Variants in CNTN3 observed in about 807,000 individuals in gnomAD.
CNTN3 encodes the protein contactin 3.
CNTN3 carries 60 observed loss-of-function variants against 119.1 expected under a neutral mutation model. That is an observed-to-expected ratio of 0.50 (90% CI 0.41 to 0.62). CNTN3 has a LOEUF of 0.62. CNTN3 is among the 20% of genes least tolerant of loss of function. The pLI is 0.00. For synonymous variants in CNTN3, 450 were observed against 438.7 expected (o/e 1.03, Z -0.32); for missense variants, 1,101 against 1,242.4 (o/e 0.89, Z 1.71).
At chr3:74,292,193 C>T (rs758550346) in intron 19 of CNTN3, among the ~76,000 whole-genome samples, 1 of 152,156 alleles carries the variant, frequency 6.6e-6, no homozygotes. Context: ...AGAATATTTA[C>T]TGGAGAGAAA....
rs557983933 is a variant in CNTN3 at position 74,559,673 on chromosome 3, G to C, written c.-80-38481C>G. Among the ~76,000 whole-genome samples the C allele has an allele frequency of 1.5e-3, 233 of 151,926 alleles. 1 individual carries two copies. Among genetic ancestry groups the C allele is most frequent in the Non-Finnish European group, 2.5e-3 (171 of 67,972 alleles). On this transcript the variant is annotated intron_variant, in intron 1 of 22. Coordinates refer to ENST00000263665, the MANE Select transcript of CNTN3 (RefSeq NM_020872.3). ...TAGTACTTCTGCATTGCTCAAAGGG[G>C]GAAAAAGGAAAAGATAGAAATTCTG...
intron 1 of CNTN3, among the ~76,000 whole-genome samples, chr3:74,580,745 A>G (rs143754107): frequency 4.5e-4 from 68 of 152,300 alleles, no homozygotes; most frequent in Non-Finnish European, 7.6e-4. Context: ...TATTAACAAA[A>G]AACCTACAAC....
In CNTN3 at chr3:74,590,813, A is replaced by G. The variant is rs183818289; in HGVS notation, c.-81+23578T>C. The stretch of plus-strand genomic sequence containing the variant: ...CAGATGTCACTAAGAGTTGTGCAAC[A>G]TATCAGAAAACACATCAACAGTTGC... On this transcript the variant is annotated intron_variant, in intron 1 of 22. Transcript: ENST00000263665. Among the ~76,000 whole-genome samples, 13 of 152,194 alleles carry G rather than the reference A, an allele frequency of 8.5e-5. No homozygotes were observed. In the East Asian group the frequency reaches 1.9e-3, roughly 23 times the overall value.
At chr3:74,275,687 G>A (rs1452142970) in intron 20 of CNTN3, among the ~76,000 whole-genome samples, 1 of 151,404 alleles carries the variant, frequency 6.6e-6, no homozygotes, top group Non-Finnish European at 1.5e-5. Context: ...AATCTCAAAG[G>A]ACCTATAAAA....
chr3:74,358,824 T>C (rs1001536231), intron 11 of CNTN3, among the ~76,000 whole-genome samples: 11 of 137,042 alleles, frequency 8.0e-5, no homozygotes, highest in East Asian at 2.2e-4. Context: ...TGTGATCTCA[T>C]TGTTCAATTC....
intron 1 of CNTN3, among the ~76,000 whole-genome samples, chr3:74,544,221 T>C (rs1480874999): frequency 6.6e-6 from 1 of 152,198 alleles, no homozygotes; most frequent in Non-Finnish European, 1.5e-5. Context: ...CTTCTCAATA[T>C]ATTATGCTAT....
chr3:74,264,409 G>A lies in CNTN3; in HGVS notation c.3079C>T (p.Leu1027=). Residue 1027 remains leucine, a synonymous_variant, in exon 23 of 23, where the codon CTG becomes TTG. Transcript: ENST00000263665. ...ATAAAAAGGAGTTAATATCACCACA[G>A]GACATATACAATTAAGAACAGTACT... ...PIVLFLIVYV[L]W 5.1e-6 allele frequency: 8 copies of A among 1,573,344 alleles called. No homozygotes were observed. Among genetic ancestry groups the A allele is most frequent in the South Asian group, 1.2e-5 (1 of 85,846 alleles).
rs941001826 is a variant in CNTN3, at chr3:74,579,996, T to C, written c.-81+34395A>G. Among the ~76,000 whole-genome samples the C allele has an allele frequency of 1.4e-4, 22 of 152,048 alleles. 1 individual carries two copies. Among genetic ancestry groups the C allele is most frequent in the African/African-American group, 5.1e-4 (21 of 41,398 alleles). ...ATTGATAAGTCATTACCAATACTGC[T>C]GAAAGGGAAAGGAACAGAGAGGGAG... is the stretch of plus-strand genomic sequence containing the variant. On this transcript the variant is annotated intron_variant, in intron 1 of 22. Coordinates refer to ENST00000263665, the MANE Select transcript of CNTN3 (RefSeq NM_020872.3).
Position 74,371,366 on chromosome 3 carries a change from G to A in CNTN3, c.488C>T (p.Pro163Leu). 6.2e-7 allele frequency: 1 copy of A among 1,613,130 alleles called. No homozygotes were observed. The change falls in exon 6 of 23, where the codon CCA becomes CTA. Residue 163 changes from proline to leucine, a missense_variant. Pro to Leu is a moderately conservative substitution (Grantham distance 98). Coordinates refer to ENST00000263665, the MANE Select transcript of CNTN3 (RefSeq NM_020872.3). The stretch of plus-strand genomic sequence containing the variant: ...CCGACTATCTTCTTCAACAAACGAT[G>A]GGTATTCATTGAAGATCCAAGCATA... ...LSYAWIFNEY[P>L]SFVEEDSRRF...
At chr3:74,304,821 T>C (rs594166) in intron 13 of CNTN3, among the ~76,000 whole-genome samples, 2 of 151,946 alleles carry the variant, frequency 1.3e-5, no homozygotes, top group Non-Finnish European at 2.9e-5. Context: ...ACAAGTAGAA[T>C]TGGAAATGAT....
At chr3:74,308,253 C>T (rs1702603994) in intron 13 of CNTN3, among the ~76,000 whole-genome samples, 1 of 152,188 alleles carries the variant, frequency 6.6e-6, no homozygotes, top group South Asian at 2.1e-4. Flanking sequence ...AATTGGCAGT[C>T]ACTGAAACAT....
At chr3:74,408,878 G>A (rs1202206955) in intron 5 of CNTN3, among the ~76,000 whole-genome samples, 1 of 152,196 alleles carries the variant, frequency 6.6e-6, no homozygotes, top group Non-Finnish European at 1.5e-5. Flanking sequence ...TTTCCCCAAA[G>A]TCTTAACTAG....
intron 13 of CNTN3, among the ~76,000 whole-genome samples, chr3:74,322,775 C>T (rs936721133): frequency 2.6e-5 from 4 of 152,016 alleles, no homozygotes; most frequent in Admixed American, 1.3e-4. Flanking sequence ...GATAAATAAA[C>T]GGTGATACAT....
At chr3:74,487,393 C>T (rs1483481283) in intron 3 of CNTN3, among the ~76,000 whole-genome samples, 1 of 151,910 alleles carries the variant, frequency 6.6e-6, no homozygotes, top group Non-Finnish European at 1.5e-5. Flanking sequence ...AACACATTAC[C>T]GTAAAAAACA....
chr3:74,521,683 G>T (rs548584866), intron 1 of CNTN3, among the ~76,000 whole-genome samples: 12 of 151,872 alleles, frequency 7.9e-5, no homozygotes, highest in Non-Finnish European at 1.5e-4. Flanking sequence ...ACTGCAGAAA[G>T]CTCCCAATTA....
intron 1 of CNTN3, among the ~76,000 whole-genome samples, chr3:74,538,038 G>C (rs1703790255): frequency 6.6e-6 from 1 of 152,044 alleles, no homozygotes; most frequent in Non-Finnish European, 1.5e-5. Flanking sequence ...TAATTCATAA[G>C]CTCTGCAATG....
chr3:74,499,060 AT>A (rs961269497), intron 3 of CNTN3, among the ~76,000 whole-genome samples: 11 of 82,456 alleles, frequency 1.3e-4, no homozygotes, highest in African/African-American at 3.8e-4. Flanking sequence ...GGGAGTATGG[AT>A]TTTTTTTTCT....
chr3:74,592,987 A>T (rs1019860152), intron 1 of CNTN3, among the ~76,000 whole-genome samples: 2 of 151,940 alleles, frequency 1.3e-5, no homozygotes, highest in African/African-American at 4.8e-5. Flanking sequence ...TTTAAAATAA[A>T]CTTAGCTTTG....
chr3:74,378,313 G>C (rs539813529), intron 5 of CNTN3, among the ~76,000 whole-genome samples: 3 of 152,292 alleles, frequency 2.0e-5, no homozygotes, highest in African/African-American at 7.2e-5. Context: ...ACTGTAAACC[G>C]AAAGACATCT....
Sources: gnomAD v4.1 joint callset for allele counts (sites outside exome capture counted in the v4.1 genomes callset) on GRCh38, gnomAD v4.1.1 for gene constraint, MANE v1.5 for transcripts, NCBI Gene and HGNC (gene_info 2026-07-23, HGNC 2026-07-21) for gene names.